MYMX: variants seen among roughly 807,000 people sequenced by gnomAD.
MYMX encodes the protein protein myomixer.
In MYMX at chr6:44,217,559, C is replaced by T; in HGVS notation, c.88C>T (p.Leu30=). ...PAARLARQYL[L]PLLRRLARRL... is the part of the protein sequence containing the mutation. ...TGCCCGCCTGGCCCGCCAATACCTC[C>T]TGCCCCTGCTGCGCCGATTGGCCCG... The change falls in exon 2 of 2, where the codon CTG becomes TTG. Residue 30 remains leucine, a synonymous_variant. Transcript: ENST00000573382. 2.5e-6 allele frequency: 1 copy of T among 404,214 alleles called. No homozygotes were observed. Among genetic ancestry groups the T allele is most frequent in the Non-Finnish European group, 4.4e-6 (1 of 228,838 alleles). 25.0% of individuals were successfully genotyped at this position (404,214 alleles called of 1,614,324 possible).
chr6:44,203,955 C>T, the MYMX span, among the ~76,000 whole-genome samples: 1 of 152,164 alleles, frequency 6.6e-6, no homozygotes, highest in Admixed American at 6.5e-5. Flanking sequence ...TCAAGAGATT[C>T]TTCTGCCTCA....
chr6:44,215,412 A>C (rs781288695), upstream of MYMX, among the ~76,000 whole-genome samples: 11 of 152,086 alleles, frequency 7.2e-5, 1 homozygote, highest in East Asian at 9.7e-4. Flanking sequence ...TGTCTCTACA[A>C]AATAAATTTT....
At chr6:44,197,479 G>A in the MYMX span, among the ~76,000 whole-genome samples, 1 of 152,232 alleles carries the variant, frequency 6.6e-6, no homozygotes, top group South Asian at 2.1e-4. Context: ...GTTGCAGTGA[G>A]CTGAGATCAT....
the MYMX span, among the ~76,000 whole-genome samples, chr6:44,194,865 G>C: frequency 3.2e-4 from 48 of 152,220 alleles, no homozygotes; most frequent in Non-Finnish European, 5.3e-4. Context: ...ACCAGTACAT[G>C]TTTCACACCA....
At chr6:44,201,701 G>A in the MYMX span, among the ~76,000 whole-genome samples, 2 of 152,244 alleles carry the variant, frequency 1.3e-5, no homozygotes, top group East Asian at 3.8e-4. Flanking sequence ...AAGGGTGGAA[G>A]GAAGGAAACT....
the MYMX span, among the ~76,000 whole-genome samples, chr6:44,196,914 C>CAT: frequency 2.0e-5 from 3 of 151,546 alleles, no homozygotes; most frequent in African/African-American, 7.3e-5. Flanking sequence ...GCTGAGATGG[C>CAT]GCCATTGCAT....
the MYMX span, among the ~76,000 whole-genome samples, chr6:44,199,016 C>T: frequency 3.3e-5 from 5 of 152,256 alleles, no homozygotes; most frequent in African/African-American, 9.6e-5. Flanking sequence ...TTTGTCCCTT[C>T]ACTGACCAGC....
At chr6:44,217,078 A>T (rs559650138) in intron 1 of MYMX, 110 bp downstream of exon 1, 76 of 184,196 alleles carry the variant, frequency 4.1e-4, no homozygotes, top group African/African-American at 1.7e-3. Flanking sequence ...CTGGAGAAGA[A>T]CTCCTGCTAG....
the MYMX span, among the ~76,000 whole-genome samples, chr6:44,207,563 A>G: frequency 2.8e-5 from 4 of 140,424 alleles, no homozygotes; most frequent in African/African-American, 8.0e-5. Context: ...TAGGAGTTTC[A>G]CTCTTGTTGC....
the MYMX span, among the ~76,000 whole-genome samples, chr6:44,207,024 G>A: frequency 6.6e-6 from 1 of 152,174 alleles, no homozygotes; most frequent in Non-Finnish European, 1.5e-5. Flanking sequence ...TCCAATTAAT[G>A]CCTGCCCAGA....
chr6:44,207,787 TC>T, the MYMX span, among the ~76,000 whole-genome samples: 2 of 152,090 alleles, frequency 1.3e-5, no homozygotes, highest in Non-Finnish European at 2.9e-5. Flanking sequence ...CACTTCAGCC[TC>T]CCAAAGTGTT....
At chr6:44,199,222 A>G in the MYMX span, among the ~76,000 whole-genome samples, 1 of 152,094 alleles carries the variant, frequency 6.6e-6, no homozygotes, top group Non-Finnish European at 1.5e-5. Context: ...TAGAGACAGG[A>G]TCTCACTCCA....
the MYMX span, among the ~76,000 whole-genome samples, chr6:44,199,035 C>G: frequency 4.6e-5 from 7 of 152,120 alleles, no homozygotes; most frequent in Non-Finnish European, 1.0e-4. Flanking sequence ...GCAATTCCCC[C>G]TCTCCCCTAC....
the MYMX span, among the ~76,000 whole-genome samples, chr6:44,209,492 C>T: frequency 6.6e-6 from 1 of 152,186 alleles, no homozygotes; most frequent in South Asian, 2.1e-4. Flanking sequence ...AAACAGTTAT[C>T]AGGGAAATAA....
At chr6:44,198,224 G>A in the MYMX span, among the ~76,000 whole-genome samples, 4 of 135,346 alleles carry the variant, frequency 3.0e-5, no homozygotes, top group African/African-American at 1.1e-4. Context: ...GTGCAGTGGT[G>A]CGATCTCGGC....
the MYMX span, among the ~76,000 whole-genome samples, chr6:44,193,876 C>T: frequency 0.14 from 21,172 of 152,040 alleles, 1,599 homozygotes; most frequent in Middle Eastern, 0.23. Context: ...CCCAGCTACT[C>T]GGAAGGCTGA....
the MYMX span, among the ~76,000 whole-genome samples, chr6:44,196,684 C>T: frequency 2.8e-5 from 4 of 145,446 alleles, no homozygotes; most frequent in Middle Eastern, 4.1e-3. Flanking sequence ...ACAGGACGGG[C>T]GCAGTGGTTC....
At chr6:44,195,016 TTTA>T in the MYMX span, among the ~76,000 whole-genome samples, 33 of 152,102 alleles carry the variant, frequency 2.2e-4, 1 homozygote, top group Admixed American at 2.0e-3. Context: ...TATTTATTTA[TTTA>T]TTATTATTAT....
At chr6:44,215,549 G>A (rs938497915), upstream of MYMX, among the ~76,000 whole-genome samples, 1 of 151,894 alleles carries the variant, frequency 6.6e-6, no homozygotes, top group African/African-American at 2.4e-5. Context: ...CTCCAGCCTG[G>A]GTGACAGAGT....
Sources: allele counts gnomAD v4.1 joint callset (sites outside exome capture counted in the v4.1 genomes callset), GRCh38; gene constraint gnomAD v4.1.1; transcripts MANE v1.5; gene names NCBI Gene and HGNC (gene_info 2026-07-23, HGNC 2026-07-21).